GPR174: variants seen among roughly 807,000 people sequenced by gnomAD.
The protein encoded by GPR174 is G protein-coupled receptor 174.
A neutral mutation model predicts 16.5 loss-of-function variants in GPR174; 8 were observed. The observed-to-expected ratio is 0.48, with a 90% confidence interval of 0.28 to 0.87. The LOEUF (loss-of-function observed/expected upper bound fraction) is 0.87, where lower values mean the gene tolerates loss of function less well. Among genes scored for constraint, GPR174 ranks in the 40% least tolerant of loss-of-function variants. The pLI is 0.09. For missense variants in GPR174, 214 were observed against 247.5 expected (o/e 0.86, Z 0.91); for synonymous variants, 111 against 94.8 (o/e 1.17, Z -0.99).
At chrX:79,156,656 C>G (rs1921106026) in intron 1 of GPR174, among the ~76,000 whole-genome samples, 166 bp from the exon 2 acceptor site, 1 of 111,839 alleles carries the variant, frequency 8.9e-6, no homozygotes, top group Admixed American at 9.5e-5. Context: ...GATTCTCACT[C>G]ACTCTACTTC....
chrX:79,156,745 C>A (rs1921108647), intron 1 of GPR174, 77 bp from the exon 2 acceptor site: 1 of 112,209 alleles, frequency 8.9e-6, no homozygotes, highest in African/African-American at 3.2e-5. Context: ...TCAGCATCCA[C>A]TTGCTGAAAT....
chrX:79,144,978 TTTTCTTTCTTTCTTTCTCTCTCTCTCTC>T lies in GPR174; in HGVS notation c.-875_-848del, dbSNP rs1569277462. 4 of 95,195 alleles carry T rather than the reference TTTTCTTTCTTTCTTTCTCTCTCTCTCTC, an allele frequency of 4.2e-5. No individual in the cohort carries two copies. Among genetic ancestry groups the T allele is most frequent in the Non-Finnish European group, 6.1e-5 (3 of 48,898 alleles). 7.8% of individuals were successfully genotyped at this position (95,195 alleles called of 1,213,427 possible). On this transcript the variant is annotated 5_prime_UTR_variant, in exon 1 of 3. Coordinates refer to ENST00000645147, the MANE Select transcript of GPR174 (RefSeq NM_032553.3). ...TCTTTCTTTCTTTCTCTTTCTTTCT[TTTTCTTTCTTTCTTTCTCTCTCTCTCTC>T]TTTCTTTCTTTCTTTCTTTCTTTCT...
intron 1 of GPR174, among the ~76,000 whole-genome samples, chrX:79,147,896 T>A (rs17251635): frequency 0.16 from 18,115 of 111,316 alleles, 1,302 homozygotes; most frequent in Middle Eastern, 0.35. Flanking sequence ...TTAAAGTGGG[T>A]TCTTCTGGTA....
At position 79,156,018 on chromosome X, in the gene GPR174, T is replaced by A. The variant is rs181564111; in HGVS notation, c.-653-804T>A. 8.9e-5 allele frequency among the ~76,000 whole-genome samples: 10 copies of A among 112,352 alleles called. No individual in the cohort carries two copies. In the East Asian group the frequency reaches 2.8e-3, roughly 31 times the overall value. On this transcript the variant is annotated intron_variant, in intron 1 of 2. Coordinates refer to ENST00000645147, the MANE Select transcript of GPR174 (RefSeq NM_032553.3). Reference sequence around the variant, plus strand: ...TCTACCAAGTAAAATGTATTCTTTGTATTTCATTTCTTCCACTTTCTAAAG... The same window carrying A: ...TCTACCAAGTAAAATGTATTCTTTGAATTTCATTTCTTCCACTTTCTAAAG...
chrX:79,162,379 GA>G (rs1021681553), intron 2 of GPR174, among the ~76,000 whole-genome samples: 3 of 109,257 alleles, frequency 2.7e-5, no homozygotes, highest in Admixed American at 1.9e-4. Context: ...AGGGTGTAAA[GA>G]AAAAAAATCT....
intron 2 of GPR174, among the ~76,000 whole-genome samples, chrX:79,169,169 G>A (rs181560635): frequency 0.012 from 1,291 of 111,184 alleles, 14 homozygotes; most frequent in Non-Finnish European, 0.019. Flanking sequence ...TACCAAGAAA[G>A]TAAGTACAAT....
chrX:79,159,840 A>G (rs1921191150), intron 2 of GPR174, among the ~76,000 whole-genome samples: 1 of 112,242 alleles, frequency 8.9e-6, no homozygotes, highest in African/African-American at 3.2e-5. Flanking sequence ...AATTCCCTCT[A>G]AAAGTTATCT....
chrX:79,158,170 C>G (rs1921144544), intron 2 of GPR174, among the ~76,000 whole-genome samples: 1 of 100,324 alleles, frequency 1.0e-5, no homozygotes, highest in African/African-American at 3.5e-5. Flanking sequence ...CATTTGTTTT[C>G]TTTTCTTTTT....
At chrX:79,158,448 CTT>C (rs1349860423) in intron 2 of GPR174, among the ~76,000 whole-genome samples, 7 of 30,523 alleles carry the variant, frequency 2.3e-4, no homozygotes, top group Non-Finnish European at 2.8e-4. Context: ...CTTTCTTTTT[CTT>C]TTTTTTTTTT....
At chrX:79,164,635 G>A (rs1369442529) in intron 2 of GPR174, among the ~76,000 whole-genome samples, 6 of 111,563 alleles carry the variant, frequency 5.4e-5, no homozygotes, top group African/African-American at 2.0e-4. Flanking sequence ...TGAATTGAGG[G>A]ATAAAATAAA....
Position 79,173,480 on chromosome X carries a change from T to C in GPR174, c.*1471T>C, listed in dbSNP as rs1282731931. 1 of 112,220 alleles carries C rather than the reference T, an allele frequency of 8.9e-6. No individual in the cohort carries two copies. The highest frequency in any genetic ancestry group is 2.8e-4 in the East Asian group (1 of 3,590). The allele number at this position is 112,220 out of a possible 1,213,427, so 9.2% of individuals were successfully genotyped here. Reference sequence around the variant, plus strand: ...AGTTCTACTTAAAATCTGTGTGCTATATAATGAAGATACCTTCTACGTCTC... The same window carrying C: ...AGTTCTACTTAAAATCTGTGTGCTACATAATGAAGATACCTTCTACGTCTC... On this transcript the variant is annotated 3_prime_UTR_variant, in exon 3 of 3. Transcript: ENST00000645147.
chrX:79,148,544 G>T (rs756348142), intron 1 of GPR174, among the ~76,000 whole-genome samples: 2 of 111,325 alleles, frequency 1.8e-5, no homozygotes, highest in East Asian at 5.6e-4. Context: ...TTGAGACAGG[G>T]TCTCACCCTG....
intron 1 of GPR174, among the ~76,000 whole-genome samples, chrX:79,154,690 C>T (rs988575368): frequency 9.0e-6 from 1 of 110,899 alleles, no homozygotes; most frequent in Admixed American, 9.6e-5. Flanking sequence ...ACAAAGTAAC[C>T]TCAGGGATAA....
In GPR174 at chrX:79,171,095, C is replaced by A; in HGVS notation, c.88C>A (p.Leu30Ile). The A allele has an allele frequency of 8.3e-7, 1 of 1,207,659 alleles. No homozygotes were observed. The highest frequency in any genetic ancestry group is 2.2e-5 in the Admixed American group (1 of 46,004). Residue 30 changes from leucine to isoleucine, a missense_variant, in exon 3 of 3, where the codon CTT becomes ATT. Leu to Ile is a conservative substitution (Grantham distance 5). Transcript: ENST00000645147. ...FIYAVTYTVI[L>I]VPGLIGNILA... is the part of the protein sequence containing the mutation. ...TTATGCAGTGACATACACTGTCATTCTTGTGCCAGGTCTCATAGGGAATAT... is the reference window on the plus strand; with the variant it reads ...TTATGCAGTGACATACACTGTCATTATTGTGCCAGGTCTCATAGGGAATAT...
At chrX:79,168,773 C>T (rs1463606412) in intron 2 of GPR174, among the ~76,000 whole-genome samples, 1 of 110,742 alleles carries the variant, frequency 9.0e-6, no homozygotes, top group Non-Finnish European at 1.9e-5. Flanking sequence ...TATTTTTAAT[C>T]TTTCATTTTA....
Position 79,171,871 on chromosome X carries a change from C to T in GPR174, c.864C>T (p.Asp288=). 1.7e-6 allele frequency: 2 copies of T among 1,211,097 alleles called. No homozygotes were observed. The highest frequency in any genetic ancestry group is 3.0e-5 in the East Asian group (1 of 33,828). ...LCLASLNSCL[D]PVIYYFSTNE... ...TTGCTAGTCTGAATTCATGTCTTGA[C>T]CCAGTCATATACTACTTTTCCACTA... The change falls in exon 3 of 3, where the codon GAC becomes GAT. Residue 288 remains aspartate (D), a synonymous_variant. Coordinates refer to ENST00000645147, the MANE Select transcript of GPR174 (RefSeq NM_032553.3).
At chrX:79,146,040 T>C (rs911939433) in intron 1 of GPR174, among the ~76,000 whole-genome samples, 4 of 111,924 alleles carry the variant, frequency 3.6e-5, no homozygotes, top group Admixed American at 9.5e-5. Context: ...ATTTCCTTGT[T>C]TGCGTGTTGT....
chrX:79,169,509 C>T (rs1470368491), intron 2 of GPR174, among the ~76,000 whole-genome samples: 1 of 111,753 alleles, frequency 8.9e-6, no homozygotes, highest in Non-Finnish European at 1.9e-5. Context: ...GTTTCACTTA[C>T]CATGAAATTG....
chrX:79,147,507 G>GAAAA (rs3031528), intron 1 of GPR174, among the ~76,000 whole-genome samples: 7,730 of 88,218 alleles, frequency 0.088, 442 homozygotes, highest in South Asian at 0.16. Context: ...TGTGCTCATA[G>GAAAA]AAAAAAAAAA....
Sources: allele counts gnomAD v4.1 joint callset (sites outside exome capture counted in the v4.1 genomes callset), GRCh38; gene constraint gnomAD v4.1.1; transcripts MANE v1.5; gene names NCBI Gene and HGNC (gene_info 2026-07-23, HGNC 2026-07-21).